Variants in RABGAP1L observed in about 807,000 individuals in gnomAD.
The protein encoded by RABGAP1L is rab GTPase-activating protein 1-like.
A neutral mutation model predicts 137.7 loss-of-function variants in RABGAP1L; 63 were observed. The observed-to-expected ratio is 0.46, with a 90% CI of 0.37 to 0.56. RABGAP1L has a LOEUF of 0.56. RABGAP1L is among the 20% of genes least tolerant of loss of function. RABGAP1L has a pLI of 0.00. For synonymous variants in RABGAP1L, 431 were observed against 433.7 expected, an observed-to-expected ratio of 0.99 and a Z score of 0.08; for missense variants, 1,095 against 1,244.0, an observed-to-expected ratio of 0.88 and a Z score of 1.80.
chr1:174,893,246 A>G (rs536210934), intron 19 of RABGAP1L: 1 of 153,418 alleles, frequency 6.5e-6, no homozygotes, highest in Admixed American at 6.5e-5. Flanking sequence ...ATTTGGAATC[A>G]CGATATAAAT....
intron 13 of RABGAP1L, among the ~76,000 whole-genome samples, chr1:174,566,254 A>G (rs1667576324): frequency 6.6e-6 from 1 of 152,156 alleles, no homozygotes. Context: ...GAGGGGTGGG[A>G]GACGGAGAAA....
At chr1:174,863,215 T>C (rs1424025581) in intron 19 of RABGAP1L, among the ~76,000 whole-genome samples, 5 of 134,204 alleles carry the variant, frequency 3.7e-5, no homozygotes, top group Admixed American at 7.7e-5. Flanking sequence ...AATTAATTTG[T>C]ACATGAGTTG....
At chr1:174,196,574 T>C (rs928204161) in intron 1 of RABGAP1L, among the ~76,000 whole-genome samples, 2 of 151,146 alleles carry the variant, frequency 1.3e-5, no homozygotes, top group Non-Finnish European at 3.0e-5. Flanking sequence ...TAATCTTTTT[T>C]CTTTTTTTTT....
intron 13 of RABGAP1L, among the ~76,000 whole-genome samples, chr1:174,509,897 T>G (rs755633943): frequency 2.4e-4 from 37 of 152,312 alleles, no homozygotes; most frequent in Middle Eastern, 3.4e-3. Context: ...TCCGTTCTAC[T>G]TATGTAACAT....
intron 13 of RABGAP1L, among the ~76,000 whole-genome samples, chr1:174,490,573 C>T (rs901815551): frequency 3.9e-5 from 6 of 152,106 alleles, no homozygotes; most frequent in Admixed American, 2.0e-4. Context: ...ATAACCACTA[C>T]CAGGTTATCG....
intron 17 of RABGAP1L, among the ~76,000 whole-genome samples, chr1:174,706,697 A>G (rs994030559): frequency 3.9e-5 from 6 of 152,220 alleles, no homozygotes; most frequent in African/African-American, 1.4e-4. Context: ...AAGGAACATT[A>G]TCTGCATTTC....
At chr1:174,162,620 C>T (rs1314212567) in intron 1 of RABGAP1L, among the ~76,000 whole-genome samples, 1 of 151,944 alleles carries the variant, frequency 6.6e-6, no homozygotes, top group Admixed American at 6.6e-5. Context: ...TATGGGATTC[C>T]CAGGCACAGA....
chr1:174,954,302 C>T (rs1668179559), intron 19 of RABGAP1L: 1 of 152,154 alleles, frequency 6.6e-6, no homozygotes, highest in Non-Finnish European at 1.5e-5. Flanking sequence ...GGTTTCCTAG[C>T]AACATATTGT....
chr1:174,562,792 G>A (rs571900426), intron 13 of RABGAP1L, among the ~76,000 whole-genome samples: 1 of 152,232 alleles, frequency 6.6e-6, no homozygotes, highest in South Asian at 2.1e-4. Flanking sequence ...CTCGTAAGTG[G>A]GAGTTGAACA....
chr1:174,327,980 C>CACACATATATATATATAT (rs1680620026), intron 11 of RABGAP1L, among the ~76,000 whole-genome samples: 1 of 105,940 alleles, frequency 9.4e-6, no homozygotes, highest in Admixed American at 1.0e-4. Context: ...TATATATATA[C>CACACATATATATATATAT]ACACACATAT....
chr1:174,899,935 T>G (rs940157523), intron 19 of RABGAP1L, among the ~76,000 whole-genome samples: 1 of 151,040 alleles, frequency 6.6e-6, no homozygotes, highest in African/African-American at 2.4e-5. Flanking sequence ...GGGGAATGTT[T>G]GGGGGGGTAG....
chr1:174,422,659 A>AT (rs1339363529), intron 13 of RABGAP1L, among the ~76,000 whole-genome samples: 3 of 151,890 alleles, frequency 2.0e-5, no homozygotes, highest in Non-Finnish European at 4.4e-5. Context: ...CTAGTTTAAG[A>AT]TTTTTTTTCT....
intron 11 of RABGAP1L, among the ~76,000 whole-genome samples, chr1:174,322,908 T>C (rs1208747205): frequency 6.6e-6 from 1 of 152,112 alleles, no homozygotes; most frequent in East Asian, 1.9e-4. Flanking sequence ...AATAAATAGG[T>C]GTGAGAAGCA....
At chr1:174,259,545 A>G (rs41511350) in intron 7 of RABGAP1L, among the ~76,000 whole-genome samples, 9,215 of 152,296 alleles carry the variant, frequency 0.061, 975 homozygotes, top group African/African-American at 0.21. Flanking sequence ...AAGTTTATAA[A>G]GTTAGAGCAT....
At chr1:174,946,068 TTAAAG>T (rs1277428270) in intron 19 of RABGAP1L, among the ~76,000 whole-genome samples, 2 of 152,122 alleles carry the variant, frequency 1.3e-5, no homozygotes, top group Non-Finnish European at 2.9e-5. Context: ...CCCAGAAAGA[TTAAAG>T]TAAAGGTATT....
intron 13 of RABGAP1L, among the ~76,000 whole-genome samples, chr1:174,497,805 A>T (rs1660881462): frequency 6.6e-6 from 1 of 152,198 alleles, no homozygotes; most frequent in South Asian, 2.1e-4. Context: ...TAGGTTGGTT[A>T]TTGATTTGCT....
intron 19 of RABGAP1L, among the ~76,000 whole-genome samples, chr1:174,833,595 C>T (rs1024037181): frequency 2.7e-5 from 4 of 150,204 alleles, no homozygotes; most frequent in Non-Finnish European, 5.9e-5. Flanking sequence ...GAATTTAAGA[C>T]TACTCTAGTG....
chr1:174,882,911 C>G (rs572748367), intron 19 of RABGAP1L, among the ~76,000 whole-genome samples: 2 of 152,060 alleles, frequency 1.3e-5, no homozygotes, highest in African/African-American at 4.8e-5. Context: ...CTGCAACCTC[C>G]GCCTCCCAGG....
At chr1:174,620,073 C>T (rs531786984) in intron 13 of RABGAP1L, among the ~76,000 whole-genome samples, 2 of 151,338 alleles carry the variant, frequency 1.3e-5, no homozygotes, top group Admixed American at 1.3e-4. Flanking sequence ...GGGATCAATT[C>T]AACAAGAATA....
Sources: gnomAD v4.1 joint callset for allele counts (sites outside exome capture counted in the v4.1 genomes callset) on GRCh38, gnomAD v4.1.1 for gene constraint, MANE v1.5 for transcripts, NCBI Gene and HGNC (gene_info 2026-07-23, HGNC 2026-07-21) for gene names.